CYFIP1: variants seen among roughly 807,000 people sequenced by gnomAD.
CYFIP1 encodes cytoplasmic FMR1 interacting protein 1.
A neutral mutation model predicts 163.5 loss-of-function variants in CYFIP1; 58 were observed. The observed-to-expected ratio is 0.35, with a 90% CI of 0.29 to 0.44. CYFIP1 has a LOEUF of 0.44. Ranked by LOEUF, CYFIP1 falls within the 20% of genes least tolerant of loss-of-function variation. CYFIP1 has a pLI of 1.00. For missense variants in CYFIP1, 1,338 were observed against 1,653.8 expected (o/e 0.81, Z 3.31); for synonymous variants, 663 against 660.7 (o/e 1.00, Z -0.05).
chr15:22,876,260 G>A (rs2059582245), intron 26 of CYFIP1, among the ~76,000 whole-genome samples: 1 of 151,934 alleles, frequency 6.6e-6, no homozygotes, highest in African/African-American at 2.4e-5. Flanking sequence ...AGGAAGAAAG[G>A]CAGACTTTTC....
chr15:22,931,849 A>T (rs558602078), intron 11 of CYFIP1, among the ~76,000 whole-genome samples: 2 of 152,230 alleles, frequency 1.3e-5, no homozygotes, highest in Admixed American at 1.3e-4. Context: ...TTATAATACC[A>T]TCTTTTCACT....
chr15:22,959,577 C>G (rs531687171), intron 1 of CYFIP1, among the ~76,000 whole-genome samples: 1 of 152,236 alleles, frequency 6.6e-6, no homozygotes, highest in African/African-American at 2.4e-5. Context: ...CCAAGCATGA[C>G]CTCGGGCGCT....
At chr15:22,885,899 C>T (rs567080538) in intron 23 of CYFIP1, among the ~76,000 whole-genome samples, 4 of 152,150 alleles carry the variant, frequency 2.6e-5, no homozygotes, top group African/African-American at 4.8e-5. Flanking sequence ...AGCAGTACTC[C>T]ACTCTACCAG....
chr15:22,874,135 C>A (rs900006951), intron 28 of CYFIP1, among the ~76,000 whole-genome samples: 3 of 152,166 alleles, frequency 2.0e-5, no homozygotes, highest in African/African-American at 7.2e-5. Flanking sequence ...CGCCCCAGCC[C>A]CCACCATAGA....
At chr15:22,871,170 CTAAAT>C (rs1205171584) in intron 30 of CYFIP1, among the ~76,000 whole-genome samples, 3 of 152,108 alleles carry the variant, frequency 2.0e-5, no homozygotes, top group African/African-American at 2.4e-5. Context: ...GGAAAGCAAT[CTAAAT>C]TAACTCCAGT....
intron 30 of CYFIP1, among the ~76,000 whole-genome samples, chr15:22,870,776 G>T (rs1338444337): frequency 1.3e-5 from 2 of 152,210 alleles, no homozygotes; most frequent in African/African-American, 2.4e-5. Context: ...CAAAGCTGGG[G>T]ATCTCCAGAT....
rs190939159 is a variant in CYFIP1, at chr15:22,947,861, G to A, written c.-6-570C>T. ...CGCAGGGGACAGAAAGTGCCACACC[G>A]CAGCTGGAGCAGAGGTGCAGAAATG... On this transcript the variant is annotated intron_variant, in intron 1 of 30. Coordinates refer to ENST00000617928, the MANE Select transcript of CYFIP1 (RefSeq NM_014608.6). The A allele has an allele frequency of 3.0e-5, 25 of 837,118 alleles. No homozygotes were observed. In the East Asian group the frequency reaches 9.9e-4, roughly 33 times the overall value. The allele number at this position is 837,118 out of a possible 1,614,324, so 51.9% of individuals were successfully genotyped here.
At position 22,910,758 on chromosome 15, in the gene CYFIP1, T is replaced by C. The variant is rs748029907; in HGVS notation, c.2138A>G (p.Tyr713Cys). ...VYKLADQIFA[Y>C]YKVMAGSLLL... ...TCACCTTCCTGCCATAACCTTATAA[T>C]AGGCAAATATCTGGTCTGCTAGCTT... The change falls in exon 19 of 31, where the codon TAT becomes TGT. Residue 713 changes from tyrosine (Y) to cysteine (C), a missense_variant. Tyr to Cys is a radical substitution (Grantham distance 194). This residue lies in a region of CYFIP1 where 824 missense variants were observed against 995.7 expected (regional missense o/e 0.83). Coordinates refer to ENST00000617928, the MANE Select transcript of CYFIP1 (RefSeq NM_014608.6). 4.3e-6 allele frequency: 7 copies of C among 1,613,790 alleles called. No homozygotes were observed. The highest frequency in any genetic ancestry group is 2.7e-5 in the African/African-American group (2 of 74,920).
At position 22,944,934 on chromosome 15, in the gene CYFIP1, C is replaced by G; in HGVS notation, c.213G>C (p.Glu71Asp). The G allele has an allele frequency of 6.2e-7, 1 of 1,614,064 alleles. No individual in the cohort carries two copies. Among genetic ancestry groups the G allele is most frequent in the South Asian group, 1.1e-5 (1 of 91,084 alleles). The change falls in exon 4 of 31, where the codon GAG (glutamate) becomes GAC (aspartate). Residue 71 changes from glutamate to aspartate, a missense_variant. Coordinates refer to ENST00000617928, the MANE Select transcript of CYFIP1 (RefSeq NM_014608.6). ...EQATVHSSMNEMLEEGQEYAV... is the reference protein window; with the variant it reads ...EQATVHSSMNDMLEEGQEYAV... Reference sequence around the variant, plus strand: ...CATATTCTTGGCCCTCCTCCAGCATCTCGTTCTGCAATGGAACACAGGGCA... The same window carrying G: ...CATATTCTTGGCCCTCCTCCAGCATGTCGTTCTGCAATGGAACACAGGGCA...
chr15:22,892,826 C>G, intron 23 of CYFIP1, 64 bp downstream of exon 23: 1 of 1,263,484 alleles, frequency 7.9e-7, no homozygotes, highest in South Asian at 1.2e-5. Context: ...ACCAATTAAA[C>G]TACACTTCAA....
chr15:22,963,909 T>A (rs1193171121), intron 1 of CYFIP1, among the ~76,000 whole-genome samples: 1 of 152,170 alleles, frequency 6.6e-6, no homozygotes, highest in East Asian at 1.9e-4. Flanking sequence ...GCCCCGGGAA[T>A]AAACATCAGT....
At chr15:22,965,138 C>T (rs2062861627) in intron 1 of CYFIP1, among the ~76,000 whole-genome samples, 1 of 151,984 alleles carries the variant, frequency 6.6e-6, no homozygotes, top group Admixed American at 6.6e-5. Flanking sequence ...CGTAAAAATA[C>T]TCTAAACTTA....
chr15:22,883,003 G>A lies in CYFIP1; in HGVS notation c.2685C>T (p.Asn895=). The A allele has an allele frequency of 1.2e-6, 2 of 1,613,724 alleles. No individual in the cohort carries two copies. The highest frequency in any genetic ancestry group is 1.7e-6 in the Non-Finnish European group (2 of 1,179,700). Reference sequence around the variant, plus strand: ...TGCCGTAAATGCTGGAGTAGGCCAAGTTCAAAGCCTGGAAAACAGGGCACA... The same window carrying A: ...TGCCGTAAATGCTGGAGTAGGCCAAATTCAAAGCCTGGAAAACAGGGCACA... The part of the protein sequence containing the change: ...PQYLHGSKAL[N]LAYSSIYGSY... The change falls in exon 24 of 31, where the codon AAC becomes AAT. Residue 895 remains asparagine (N), a synonymous_variant. Coordinates refer to ENST00000617928, the MANE Select transcript of CYFIP1 (RefSeq NM_014608.6).
At chr15:22,937,288 G>A in intron 8 of CYFIP1, 80 bp from the exon 9 acceptor site, 1 of 821,096 alleles carries the variant, frequency 1.2e-6, no homozygotes, top group Non-Finnish European at 2.1e-6. Flanking sequence ...CACTGTTACA[G>A]CTGATGACTT....
chr15:22,952,675 A>AAAAAAAAAAAAAAAT (rs2062296016), intron 1 of CYFIP1, among the ~76,000 whole-genome samples: 1 of 126,158 alleles, frequency 7.9e-6, no homozygotes, highest in Non-Finnish European at 1.7e-5. Context: ...AAAAAAAAAA[A>AAAAAAAAAAAAAAAT]GGTAAACATG....
chr15:22,877,323 G>C (rs987843147), intron 26 of CYFIP1, among the ~76,000 whole-genome samples: 1 of 152,094 alleles, frequency 6.6e-6, no homozygotes, highest in East Asian at 1.9e-4. Flanking sequence ...CTGACAGATG[G>C]GCTGCCTGAT....
chr15:22,870,148 G>A lies in CYFIP1; in HGVS notation c.3642C>T (p.Leu1214=). 6.2e-7 allele frequency: 1 copy of A among 1,612,214 alleles called. No individual in the cohort carries two copies. The highest frequency in any genetic ancestry group is 1.1e-5 in the South Asian group (1 of 90,586). The change falls in exon 31 of 31, where the codon CTC becomes CTT. Residue 1214 remains leucine, a synonymous_variant. Coordinates refer to ENST00000617928, the MANE Select transcript of CYFIP1 (RefSeq NM_014608.6). ...MVERIRKFQI[L]NDEIITILDK... ...CCAGGATGGTGATGATCTCATCATT[G>A]AGAATCTGGAACTTGCGAATTCTCT...
chr15:22,963,886 C>G (rs967705124), intron 1 of CYFIP1, among the ~76,000 whole-genome samples: 1 of 152,122 alleles, frequency 6.6e-6, no homozygotes, highest in Non-Finnish European at 1.5e-5. Context: ...AAAGGACCTT[C>G]CAGGCCCAGT....
chr15:22,875,323 C>G, intron 26 of CYFIP1, 52 bp from the exon 27 acceptor site: 1 of 1,509,020 alleles, frequency 6.6e-7, no homozygotes, highest in African/African-American at 1.4e-5. Flanking sequence ...CGCCAGAGAG[C>G]AATCTGGTGC....
Sources: gnomAD v4.1 joint callset for allele counts (sites outside exome capture counted in the v4.1 genomes callset) on GRCh38, gnomAD v4.1.1 for gene constraint, gnomAD v4.1.1 regional missense constraint, MANE v1.5 for transcripts, NCBI Gene and HGNC (gene_info 2026-07-23, HGNC 2026-07-21) for gene names.